The following PCDHGA11 variants were observed in gnomAD, a reference collection of about 807,000 sequenced individuals.
PCDHGA11 encodes protocadherin gamma-A11.
A neutral mutation model predicts 60.4 loss-of-function variants in PCDHGA11; 39 were observed. The observed-to-expected ratio is 0.65, with a 90% CI of 0.50 to 0.84. The LOEUF is 0.84. Ranked by LOEUF, PCDHGA11 falls within the 40% of genes least tolerant of loss-of-function variation. The probability of loss-of-function intolerance (pLI) is 0.00; values close to 1 mark genes in which losing one functional copy is unlikely to be tolerated. For missense variants in PCDHGA11, 1,165 were observed against 1,197.7 expected (o/e 0.97, Z 0.40); for synonymous variants, 533 against 510.3 (o/e 1.04, Z -0.60).
At chr5:141,470,416 A>AT (rs1300623208) in intron 1 of PCDHGA11, among the ~76,000 whole-genome samples, 3 of 152,134 alleles carry the variant, frequency 2.0e-5, no homozygotes, top group African/African-American at 7.2e-5. Flanking sequence ...GATTTTATGT[A>AT]TTTTTTCCTT....
rs749034718 is a variant in PCDHGA11 at position 141,421,520 on chromosome 5, A to G, written c.293A>G (p.Glu98Gly). The G allele has an allele frequency of 1.2e-6, 2 of 1,614,068 alleles. No individual in the cohort carries two copies. The highest frequency in any genetic ancestry group is 8.5e-7 in the Non-Finnish European group (1 of 1,179,904). ...AGRIDREELC[E>G]TVSSCFLNME... is the part of the protein sequence containing the mutation. ...AGGATAGACCGGGAGGAGCTCTGTG[A>G]GACGGTGTCCTCCTGTTTTTTAAAT... Residue 98 changes from glutamate (E) to glycine (G), a missense_variant, in exon 1 of 4, where the codon GAG becomes GGG. Transcript: ENST00000398587.
intron 1 of PCDHGA11, chr5:141,471,430 G>A (rs2099257545): frequency 6.6e-6 from 1 of 152,140 alleles, no homozygotes; most frequent in South Asian, 2.1e-4. Flanking sequence ...CAAGGAAAGT[G>A]TATAATCTCA....
At chr5:141,502,134 C>T (rs566073996) in intron 2 of PCDHGA11, among the ~76,000 whole-genome samples, 10 of 152,288 alleles carry the variant, frequency 6.6e-5, no homozygotes, top group African/African-American at 2.2e-4. Flanking sequence ...AGAGCTCAGT[C>T]GGGCCGGAAG....
intron 1 of PCDHGA11, among the ~76,000 whole-genome samples, chr5:141,429,759 C>T (rs1233949322): frequency 6.6e-6 from 1 of 151,946 alleles, no homozygotes; most frequent in East Asian, 1.9e-4. Flanking sequence ...GAATTTTTTC[C>T]CTATATTTTG....
At position 141,422,604 on chromosome 5, in the gene PCDHGA11, T is replaced by C; in HGVS notation, c.1377T>C (p.Ser459=). The C allele has an allele frequency of 6.2e-7, 1 of 1,614,030 alleles. No homozygotes were observed. Among genetic ancestry groups the C allele is most frequent in the Non-Finnish European group, 8.5e-7 (1 of 1,179,982 alleles). Residue 459 remains serine, a synonymous_variant, in exon 1 of 4, where the codon TCT becomes TCC. Coordinates refer to ENST00000398587, the MANE Select transcript of PCDHGA11 (RefSeq NM_018914.3). ...CCGTTTTTCCTCACTCCTCTTACTC[T>C]GCCTACATTCCCGAAAACAACCCCA... is the stretch of plus-strand genomic sequence containing the variant. The part of the protein sequence containing the change: ...NPPVFPHSSY[S]AYIPENNPRG...
intron 1 of PCDHGA11, chr5:141,427,797 G>T: frequency 6.6e-7 from 1 of 1,505,306 alleles, no homozygotes; most frequent in Non-Finnish European, 9.1e-7. Flanking sequence ...CTACGTGTCC[G>T]TGAGCGCACA....
chr5:141,439,115 C>A (rs2098087976), intron 1 of PCDHGA11, among the ~76,000 whole-genome samples: 1 of 151,476 alleles, frequency 6.6e-6, no homozygotes, highest in Non-Finnish European at 1.5e-5. Context: ...ATCACTTGAA[C>A]CCGGGAGACA....
intron 1 of PCDHGA11, among the ~76,000 whole-genome samples, chr5:141,436,162 G>A (rs1036923915): frequency 2.6e-5 from 4 of 152,142 alleles, no homozygotes; most frequent in African/African-American, 7.2e-5. Flanking sequence ...TTTATCATAT[G>A]GACAGTTCTC....
rs1445450316 is a variant in PCDHGA11, at chr5:141,491,210, C to T, written c.2434-3597C>T. On this transcript the variant is annotated intron_variant, in intron 1 of 3. Coordinates refer to ENST00000398587, the MANE Select transcript of PCDHGA11 (RefSeq NM_018914.3). The surrounding 1 kb of genome is among the most constrained non-coding windows in gnomAD (Gnocchi z 6.9). ...AGGGACAATGGTGACCCTTCACTCT[C>T]CTCCACAGCCACAGTGCTGCTGGTT... The T allele has an allele frequency of 3.7e-6, 6 of 1,614,228 alleles. No homozygotes were observed. Among genetic ancestry groups the T allele is most frequent in the Non-Finnish European group, 3.4e-6 (4 of 1,180,032 alleles).
intron 1 of PCDHGA11, among the ~76,000 whole-genome samples, chr5:141,424,944 A>G (rs958272371): frequency 2.6e-5 from 4 of 152,108 alleles, no homozygotes; most frequent in African/African-American, 9.7e-5. Context: ...CTCTCACATC[A>G]CTTCTAGGTA....
rs201704748 is a variant in PCDHGA11, at chr5:141,431,453, G to A, written c.2433+7793G>A. The A allele has an allele frequency of 5.7e-4, 914 of 1,613,802 alleles. 10 individuals are homozygous for A. The South Asian group carries it at 9.6e-3, about 17-fold the overall frequency. ...AGGCACCGCGCGCATCCGCGTGATG[G>A]TTCTGGATGCGAACGACAACGCACC... On this transcript the variant is annotated intron_variant, in intron 1 of 3. Coordinates refer to ENST00000398587, the MANE Select transcript of PCDHGA11 (RefSeq NM_018914.3). This position sits in a 1 kb window ranked among gnomAD's most constrained non-coding sequence, Gnocchi z 4.8.
rs761780459 is a variant in PCDHGA11, at chr5:141,421,734, G to A, written c.507G>A (p.Gln169=). The A allele has an allele frequency of 6.2e-7, 1 of 1,613,948 alleles. No individual in the cohort carries two copies. Among genetic ancestry groups the A allele is most frequent in the Non-Finnish European group, 8.5e-7 (1 of 1,179,862 alleles). Reference sequence around the variant, plus strand: ...CAGATGTGGGCGTGAACTCCCTCCAGAGCTACCAGCTCAGCCCTAATAATT... The same window carrying A: ...CAGATGTGGGCGTGAACTCCCTCCAAAGCTACCAGCTCAGCCCTAATAATT... The part of the protein sequence containing the change: ...RDPDVGVNSL[Q]SYQLSPNNYF... The change falls in exon 1 of 4, where the codon CAG becomes CAA. Residue 169 remains glutamine, a synonymous_variant. Transcript: ENST00000398587.
intron 1 of PCDHGA11, among the ~76,000 whole-genome samples, chr5:141,448,706 C>T (rs1344013319): frequency 1.3e-5 from 2 of 151,730 alleles, no homozygotes; most frequent in African/African-American, 2.4e-5. Flanking sequence ...TTTGGGAGGC[C>T]GAGGCGGGAG....
intron 1 of PCDHGA11, among the ~76,000 whole-genome samples, chr5:141,464,549 C>T (rs2099086404): frequency 6.6e-6 from 1 of 152,014 alleles, no homozygotes; most frequent in Non-Finnish European, 1.5e-5. Flanking sequence ...TAGCTATTCC[C>T]CATCTTGCAT....
rs1289162498 is a variant in PCDHGA11 at position 141,422,661 on chromosome 5, C to T, written c.1434C>T (p.Leu478=). ...CCTCCATCTTCTCAGTGACCGCCCT[C>T]GACCCGGACAGCAAACAGAATGCCC... is the stretch of plus-strand genomic sequence containing the variant. The part of the protein sequence containing the change: ...RGASIFSVTA[L]DPDSKQNALV... Residue 478 remains leucine (L), a synonymous_variant, in exon 1 of 4, where the codon CTC becomes CTT. Coordinates refer to ENST00000398587, the MANE Select transcript of PCDHGA11 (RefSeq NM_018914.3). 4.4e-6 allele frequency: 7 copies of T among 1,608,938 alleles called. No homozygotes were observed. The highest frequency in any genetic ancestry group is 1.7e-5 in the Admixed American group (1 of 59,714).
chr5:141,432,584 C>T lies in PCDHGA11; in HGVS notation c.2433+8924C>T, dbSNP rs762935149. The T allele has an allele frequency of 2.3e-5, 37 of 1,613,854 alleles. No individual in the cohort carries two copies. The highest frequency in any genetic ancestry group is 3.3e-4 in the Middle Eastern group (2 of 6,018). On this transcript the variant is annotated intron_variant, in intron 1 of 3. Coordinates refer to ENST00000398587, the MANE Select transcript of PCDHGA11 (RefSeq NM_018914.3). The surrounding 1 kb of genome is among the most constrained non-coding windows in gnomAD (Gnocchi z 6.0). ...GAACGCCTGGCTGTCCTACCGTCTG[C>T]TCAAGGCCAGCGAGCCGGGACTCTT...
At chr5:141,428,164 T>C (rs1221973020) in intron 1 of PCDHGA11, 1 of 1,564,976 alleles carries the variant, frequency 6.4e-7, no homozygotes, top group South Asian at 1.1e-5. Flanking sequence ...TGCTGGTTGC[T>C]GTGCGTGACG....
Position 141,489,585 on chromosome 5 carries a change from G to C in PCDHGA11, c.2434-5222G>C. The C allele has an allele frequency of 6.2e-7, 1 of 1,614,090 alleles. No individual in the cohort carries two copies. On this transcript the variant is annotated intron_variant, in intron 1 of 3. Transcript: ENST00000398587. This position sits in a 1 kb window ranked among gnomAD's most constrained non-coding sequence, Gnocchi z 4.5. ...AGGTGGTGACTGAACACCCCCTGGA[G>C]CTAATCCGTGTAGAGGTAGAGATCC...
rs1316573600 is a variant in PCDHGA11 at position 141,490,443 on chromosome 5, G to A, written c.2434-4364G>A. The A allele has an allele frequency of 1.2e-6, 2 of 1,614,174 alleles. No individual in the cohort carries two copies. Among genetic ancestry groups the A allele is most frequent in the Non-Finnish European group, 8.5e-7 (1 of 1,180,042 alleles). On this transcript the variant is annotated intron_variant, in intron 1 of 3. Coordinates refer to ENST00000398587, the MANE Select transcript of PCDHGA11 (RefSeq NM_018914.3). The surrounding 1 kb of genome is among the most constrained non-coding windows in gnomAD (Gnocchi z 5.4). ...TGCCATTTCAGATTAAGCCTTCTGA[G>A]AACCACTACTCGCTGCTAACCAGCC...
Sources: gnomAD v4.1 joint callset for allele counts (sites outside exome capture counted in the v4.1 genomes callset) on GRCh38, gnomAD v4.1.1 for gene constraint, Gnocchi (gnomAD v3.1) non-coding constraint, MANE v1.5 for transcripts, NCBI Gene and HGNC (gene_info 2026-07-23, HGNC 2026-07-21) for gene names.